The following TENM3 variants were observed in gnomAD, a reference collection of about 807,000 sequenced individuals.
TENM3 encodes the protein teneurin transmembrane protein 3.
TENM3 carries 63 observed loss-of-function variants against 255.1 expected under a neutral mutation model. The observed-to-expected ratio is 0.25, with a 90% CI of 0.20 to 0.30. The LOEUF is 0.30. Ranked by LOEUF, TENM3 falls within the 10% of genes least tolerant of loss-of-function variation. The probability of loss-of-function intolerance (pLI) is 1.00; values close to 1 mark genes in which losing one functional copy is unlikely to be tolerated. For synonymous variants in TENM3, 1,306 were observed against 1,322.3 expected (o/e 0.99, Z 0.27); for missense variants, 2,929 against 3,461.1 (o/e 0.85, Z 3.86).
intron 22 of TENM3, among the ~76,000 whole-genome samples, chr4:182,757,344 C>G (rs1156675525): frequency 7.2e-6 from 1 of 139,674 alleles, no homozygotes; most frequent in East Asian, 2.4e-4. Context: ...AAAAGATCTT[C>G]AGGAGATGGT....
At chr4:182,683,236 G>A (rs1756310824) in intron 11 of TENM3, among the ~76,000 whole-genome samples, 1 of 152,080 alleles carries the variant, frequency 6.6e-6, no homozygotes, top group Non-Finnish European at 1.5e-5. Context: ...AGATGCTGTG[G>A]GAATTACTTG....
At chr4:181,624,957 A>G in the TENM3 span, among the ~76,000 whole-genome samples, 1 of 152,050 alleles carries the variant, frequency 6.6e-6, no homozygotes, top group African/African-American at 2.4e-5. Context: ...CCAACCCAGG[A>G]CACTTTATAC....
intron 3 of TENM3, among the ~76,000 whole-genome samples, chr4:182,435,030 TA>T (rs1679514915): frequency 6.6e-6 from 1 of 152,158 alleles, no homozygotes; most frequent in South Asian, 2.1e-4. Context: ...TTGAAGTCTA[TA>T]AAAATATAAT....
chr4:181,839,213 A>G, the TENM3 span, among the ~76,000 whole-genome samples: 154 of 149,516 alleles, frequency 1.0e-3, no homozygotes, highest in Non-Finnish European at 1.5e-3. Context: ...TAATATTTTA[A>G]GATAATTTTA....
At chr4:182,441,524 G>C (rs1286122004) in intron 3 of TENM3, among the ~76,000 whole-genome samples, 2 of 152,130 alleles carry the variant, frequency 1.3e-5, no homozygotes, top group Admixed American at 1.3e-4. Flanking sequence ...TTGAGATGGA[G>C]TCTCGCTCTG....
At chr4:181,736,723 T>C in the TENM3 span, among the ~76,000 whole-genome samples, 1 of 152,044 alleles carries the variant, frequency 6.6e-6, no homozygotes, top group Non-Finnish European at 1.5e-5. Flanking sequence ...AAAATTTGAA[T>C]TGGAGCCGAC....
the TENM3 span, among the ~76,000 whole-genome samples, chr4:181,515,513 G>A: frequency 6.6e-6 from 1 of 151,866 alleles, no homozygotes; most frequent in South Asian, 2.1e-4. Context: ...CTGCCTATAT[G>A]TTCTACCCCA....
intron 1 of TENM3, among the ~76,000 whole-genome samples, chr4:182,300,492 G>A (rs1281204163): frequency 3.3e-5 from 5 of 152,174 alleles, no homozygotes; most frequent in Non-Finnish European, 7.3e-5. Context: ...TGACAGTCGA[G>A]TTAAACACCT....
chr4:181,623,469 G>T, the TENM3 span, among the ~76,000 whole-genome samples: 1 of 152,174 alleles, frequency 6.6e-6, no homozygotes, highest in African/African-American at 2.4e-5. Flanking sequence ...GCTAACTTTT[G>T]CCTGTGTGAA....
chr4:181,653,954 G>T, the TENM3 span, among the ~76,000 whole-genome samples: 1 of 151,668 alleles, frequency 6.6e-6, no homozygotes, highest in Non-Finnish European at 1.5e-5. Context: ...CATTGGTACT[G>T]TGGTCTCAAT....
At chr4:181,726,934 T>C in the TENM3 span, among the ~76,000 whole-genome samples, 3 of 152,312 alleles carry the variant, frequency 2.0e-5, no homozygotes, top group East Asian at 5.8e-4. Flanking sequence ...AAACACTTAC[T>C]TACATGTACT....
At position 182,621,437 on chromosome 4, in the gene TENM3, C is replaced by A. The variant is rs1750129710; in HGVS notation, c.750-7214C>A. 2.0e-5 allele frequency among the ~76,000 whole-genome samples: 3 copies of A among 149,942 alleles called. No individual in the cohort carries two copies. In the South Asian group the frequency reaches 6.3e-4, roughly 31 times the overall value. On this transcript the variant is annotated intron_variant, in intron 4 of 27. Transcript: ENST00000511685. The stretch of plus-strand genomic sequence containing the variant: ...TGACTAATCTGAGTACAGTACAGGT[C>A]CCAATCTGAGGAGGGGTACTTCTGA...
chr4:181,480,468 T>G, the TENM3 span, among the ~76,000 whole-genome samples: 1 of 152,138 alleles, frequency 6.6e-6, no homozygotes, highest in Non-Finnish European at 1.5e-5. Flanking sequence ...AACATACGAT[T>G]CAGTGTTAAT....
the TENM3 span, among the ~76,000 whole-genome samples, chr4:181,849,550 C>A: frequency 6.6e-6 from 1 of 152,160 alleles, no homozygotes; most frequent in African/African-American, 2.4e-5. Context: ...TACTCACACA[C>A]TAAAAAGCAT....
intron 3 of TENM3, among the ~76,000 whole-genome samples, chr4:182,489,542 TAGAA>T (rs909171885): frequency 4.6e-5 from 7 of 152,132 alleles, no homozygotes; most frequent in Middle Eastern, 3.2e-3. Flanking sequence ...TAGACTTTAA[TAGAA>T]AGAAAAACCA....
chr4:182,025,135 T>A, the TENM3 span, among the ~76,000 whole-genome samples: 5 of 151,588 alleles, frequency 3.3e-5, no homozygotes, highest in African/African-American at 1.2e-4. Context: ...TTCACGCCAT[T>A]CTCCTGGCTC....
In TENM3 at chr4:182,780,763, G is replaced by C. The variant is rs1004831975; in HGVS notation, c.5304+5610G>C. ...GTGGTTTGTAGTTCTCCTTGAAGAA[G>C]TCCTTCACATCCCTTGTAAGTTGGA... is the stretch of plus-strand genomic sequence containing the variant. On this transcript the variant is annotated intron_variant, in intron 24 of 27. Transcript: ENST00000511685. Among the ~76,000 whole-genome samples the C allele has an allele frequency of 2.2e-4, 34 of 152,042 alleles. 1 individual carries two copies. The highest frequency in any genetic ancestry group is 5.8e-4 in the East Asian group (3 of 5,174).
At chr4:181,566,133 G>A in the TENM3 span, among the ~76,000 whole-genome samples, 3 of 152,104 alleles carry the variant, frequency 2.0e-5, no homozygotes, top group Admixed American at 2.0e-4. Flanking sequence ...AATAATTTGG[G>A]GAAATATAAG....
intron 1 of TENM3, among the ~76,000 whole-genome samples, chr4:182,159,393 A>G (rs1750936977): frequency 6.6e-6 from 1 of 152,234 alleles, no homozygotes; most frequent in South Asian, 2.1e-4. Flanking sequence ...GAGCTAACAC[A>G]CAGGGAGGTC....
Sources: gnomAD v4.1 joint callset for allele counts (sites outside exome capture counted in the v4.1 genomes callset) on GRCh38, gnomAD v4.1.1 for gene constraint, MANE v1.5 for transcripts, NCBI Gene and HGNC (gene_info 2026-07-23, HGNC 2026-07-21) for gene names.